Variants in TATDN1 observed in about 807,000 individuals in gnomAD.
TATDN1 encodes TatD DNase domain containing 1.
In TATDN1, 40 loss-of-function variants were observed where a neutral mutation model predicts 46.4. That is an observed-to-expected ratio of 0.86 (90% CI 0.67 to 1.12). The LOEUF (loss-of-function observed/expected upper bound fraction) is 1.12. Among genes scored for constraint, TATDN1 ranks in the 50% most tolerant of loss-of-function variants. TATDN1 has a pLI of 0.00. For synonymous variants in TATDN1, 95 were observed against 105.6 expected (o/e 0.90, Z 0.62); for missense variants, 326 against 348.4 (o/e 0.94, Z 0.51).
At chr8:124,497,928 C>T (rs1238305359) in intron 9 of TATDN1, among the ~76,000 whole-genome samples, 2 of 152,188 alleles carry the variant, frequency 1.3e-5, no homozygotes, top group African/African-American at 4.8e-5. Context: ...TCCCTAGCTT[C>T]GTCCAATGGT....
intron 9 of TATDN1, among the ~76,000 whole-genome samples, chr8:124,496,882 CT>C (rs539328285): frequency 3.9e-5 from 6 of 152,336 alleles, no homozygotes; most frequent in Admixed American, 2.6e-4. Flanking sequence ...CCACTTACCC[CT>C]ATTCCTCTCC....
At chr8:124,533,425 G>A (rs1255740558) in intron 1 of TATDN1, among the ~76,000 whole-genome samples, 2 of 152,092 alleles carry the variant, frequency 1.3e-5, no homozygotes. Flanking sequence ...CAACGAGAGG[G>A]GATCCCAGGA....
chr8:124,494,129 T>C, intron 10 of TATDN1, 170 bp from the exon 11 acceptor site: 3 of 572,006 alleles, frequency 5.2e-6, no homozygotes, highest in East Asian at 3.3e-5. Flanking sequence ...AAATCTTGAA[T>C]TGCATCTTAA....
intron 6 of TATDN1, among the ~76,000 whole-genome samples, chr8:124,514,736 C>G (rs756764424): frequency 6.6e-5 from 10 of 152,182 alleles, no homozygotes; most frequent in Non-Finnish European, 1.3e-4. Context: ...CACTCACCCA[C>G]CAGTATGATG....
intron 6 of TATDN1, among the ~76,000 whole-genome samples, chr8:124,513,570 G>C (rs1819212575): frequency 6.6e-6 from 1 of 152,200 alleles, no homozygotes; most frequent in Admixed American, 6.5e-5. Flanking sequence ...CACAAGCTGT[G>C]ATATGCATAT....
At chr8:124,508,063 A>T (rs901620887) in intron 8 of TATDN1, among the ~76,000 whole-genome samples, 2 of 152,170 alleles carry the variant, frequency 1.3e-5, no homozygotes, top group African/African-American at 4.8e-5. Flanking sequence ...TTGACATCTG[A>T]ATTAGGGGCC....
At chr8:124,506,172 T>C (rs1056998795) in intron 8 of TATDN1, among the ~76,000 whole-genome samples, 1 of 151,098 alleles carries the variant, frequency 6.6e-6, no homozygotes. Flanking sequence ...CTGTCTCTAC[T>C]GAAAATACAA....
chr8:124,518,765 T>A, intron 4 of TATDN1, 53 bp downstream of exon 4: 1 of 1,333,166 alleles, frequency 7.5e-7, no homozygotes, highest in Non-Finnish European at 1.1e-6. Flanking sequence ...CAGAAAGACT[T>A]CTTCAAAATT....
rs869060230 is a variant in TATDN1, at chr8:124,534,145, CAAAAAAAAAAAAA to C, written c.22+4867_22+4879del. ...TGGGCAACAGAGCGAGACTCCGTCT[CAAAAAAAAAAAAA>C]AAAAAAAAAAAAAAAAAAAAAGAAA... is the stretch of plus-strand genomic sequence containing the variant. On this transcript the variant is annotated intron_variant, in intron 1 of 11. Coordinates refer to ENST00000276692, the MANE Select transcript of TATDN1 (RefSeq NM_032026.4). Among the ~76,000 whole-genome samples, 99 of 51,270 alleles carry C rather than the reference CAAAAAAAAAAAAA, an allele frequency of 1.9e-3. No individual in the cohort carries two copies. In the South Asian group the frequency reaches 0.034, roughly 18 times the overall value. 33.6% of individuals were successfully genotyped at this position (51,270 alleles called of 152,430 possible).
At chr8:124,495,101 T>C (rs1817352779) in intron 10 of TATDN1, 1 of 251,716 alleles carries the variant, frequency 4.0e-6, no homozygotes, top group Non-Finnish European at 7.6e-6. Context: ...CAAAGTGCTG[T>C]AGAATTAAGC....
rs778617248 is a variant in TATDN1, at chr8:124,522,176, C to T, written c.113G>A (p.Arg38Lys). 2 of 1,598,034 alleles carry T rather than the reference C, an allele frequency of 1.3e-6. No homozygotes were observed. Among genetic ancestry groups the T allele is most frequent in the Non-Finnish European group, 1.7e-6 (2 of 1,171,472 alleles). The change falls in exon 3 of 12, where the codon AGA becomes AAA. Residue 38 changes from arginine (R) to lysine (K), a missense_variant. Physicochemically the swap from Arg to Lys is conservative, Grantham distance 26. Coordinates refer to ENST00000276692, the MANE Select transcript of TATDN1 (RefSeq NM_032026.4). ...HQDDLQDVIG[R>K]AVEIGVKKFM... The stretch of plus-strand genomic sequence containing the variant: ...CTTTTTAACACCAATCTCGACAGCT[C>T]TCCCTATTACATCCTGTAAGTCATC...
intron 8 of TATDN1, among the ~76,000 whole-genome samples, chr8:124,506,287 A>G (rs910702191): frequency 7.1e-6 from 1 of 139,922 alleles, no homozygotes. Context: ...GTGAGCCAAG[A>G]TCGTGCTATT....
Position 124,522,965 on chromosome 8 carries a change from T to A in TATDN1, c.60A>T (p.Gly20=). Residue 20 remains glycine (G), a synonymous_variant, in exon 2 of 12, where the codon GGA becomes GGT. Coordinates refer to ENST00000276692, the MANE Select transcript of TATDN1 (RefSeq NM_032026.4). ...GINLTDPMFR[G]IYRGVQKHQD... ...GATGCTTTTGAACCCCCCTATAAAT[T>A]CCTCTGAACATAGGGTCAGTCAAGT... 1 of 1,613,286 alleles carries A rather than the reference T, an allele frequency of 6.2e-7. No homozygotes were observed. The highest frequency in any genetic ancestry group is 8.5e-7 in the Non-Finnish European group (1 of 1,179,704).
rs138034021 is a variant in TATDN1 at position 124,498,944 on chromosome 8, C to G, written c.594-3402G>C. ...GGATTACAGGCATGAGCCACTGCGCCTGGCCTCTTTTTTTTTTTTTTTTTT... is the reference window on the plus strand; with the variant it reads ...GGATTACAGGCATGAGCCACTGCGCGTGGCCTCTTTTTTTTTTTTTTTTTT... On this transcript the variant is annotated intron_variant, in intron 9 of 11. Coordinates refer to ENST00000276692, the MANE Select transcript of TATDN1 (RefSeq NM_032026.4). 3.6e-3 allele frequency among the ~76,000 whole-genome samples: 542 copies of G among 150,450 alleles called. 4 individuals are homozygous for G. Among genetic ancestry groups the G allele is most frequent in the African/African-American group, 0.012 (505 of 40,926 alleles).
intron 1 of TATDN1, among the ~76,000 whole-genome samples, chr8:124,537,801 C>G (rs1203747649): frequency 3.9e-5 from 6 of 152,112 alleles, no homozygotes; most frequent in Non-Finnish European, 8.8e-5. Context: ...GGCTTTCCCA[C>G]AGCAATTTCA....
chr8:124,505,497 T>C (rs1039357469), intron 8 of TATDN1, among the ~76,000 whole-genome samples: 2 of 145,794 alleles, frequency 1.4e-5, no homozygotes, highest in Non-Finnish European at 3.0e-5. Flanking sequence ...GAGGCCGAGG[T>C]AGGCAGATCA....
intron 8 of TATDN1, among the ~76,000 whole-genome samples, chr8:124,506,334 C>CAAAAAAAAAAAAAAAAAAA (rs56023168): frequency 8.2e-4 from 43 of 52,304 alleles, no homozygotes; most frequent in East Asian, 1.2e-3. Flanking sequence ...GGCTCTGTCT[C>CAAAAAAAAAAAAAAAAAAA]AAAAAAAAAA....
chr8:124,535,452 G>T (rs1193569556), intron 1 of TATDN1, among the ~76,000 whole-genome samples: 1 of 152,142 alleles, frequency 6.6e-6, no homozygotes, highest in African/African-American at 2.4e-5. Context: ...GCTCTAAATG[G>T]GATACCATTT....
chr8:124,537,586 G>C (rs1821567652), intron 1 of TATDN1, among the ~76,000 whole-genome samples: 2 of 152,192 alleles, frequency 1.3e-5, no homozygotes, highest in African/African-American at 4.8e-5. Flanking sequence ...AGTCTACATG[G>C]AGGATGGATT....
Sources: gnomAD v4.1 joint callset for allele counts (sites outside exome capture counted in the v4.1 genomes callset) on GRCh38, gnomAD v4.1.1 for gene constraint, MANE v1.5 for transcripts, NCBI Gene and HGNC (gene_info 2026-07-23, HGNC 2026-07-21) for gene names.